The following GRID2 variants were observed in gnomAD, a reference collection of about 807,000 sequenced individuals.
The protein encoded by GRID2 is glutamate ionotropic receptor delta type subunit 2.
GRID2 carries 33 observed loss-of-function variants against 114.8 expected under a neutral mutation model. The ratio of observed to expected loss-of-function variants is 0.29; its 90% CI spans 0.22 to 0.38. The LOEUF (loss-of-function observed/expected upper bound fraction) is 0.38, where lower values mean the gene tolerates loss of function less well. Among genes scored for constraint, GRID2 ranks in the 10% least tolerant of loss-of-function variants. GRID2 has a pLI of 1.00. For missense variants in GRID2, 1,184 were observed against 1,257.7 expected (o/e 0.94, Z 0.89); for synonymous variants, 505 against 449.9 (o/e 1.12, Z -1.55).
chr4:93,338,925 T>G (rs1759357904), intron 8 of GRID2, among the ~76,000 whole-genome samples: 1 of 152,146 alleles, frequency 6.6e-6, no homozygotes, highest in Non-Finnish European at 1.5e-5. Context: ...GAAACAATTG[T>G]ATGTGACTTT....
chr4:92,695,082 T>G (rs1449543440), intron 2 of GRID2, among the ~76,000 whole-genome samples: 3 of 152,076 alleles, frequency 2.0e-5, no homozygotes, highest in Non-Finnish European at 4.4e-5. Context: ...TCCTCCCACC[T>G]TAGCCTTCCT....
At chr4:93,625,997 G>A (rs1742696000) in intron 13 of GRID2, among the ~76,000 whole-genome samples, 1 of 152,144 alleles carries the variant, frequency 6.6e-6, no homozygotes, top group South Asian at 2.1e-4. Context: ...GGTATCATAA[G>A]TAATCTAGAC....
chr4:92,833,215 C>G (rs1055549529), intron 2 of GRID2, among the ~76,000 whole-genome samples: 1 of 152,104 alleles, frequency 6.6e-6, no homozygotes, highest in Non-Finnish European at 1.5e-5. Flanking sequence ...TCCAGAGAAG[C>G]GGGGGAAGTC....
At chr4:92,845,193 C>T (rs990443789) in intron 2 of GRID2, among the ~76,000 whole-genome samples, 1 of 152,102 alleles carries the variant, frequency 6.6e-6, no homozygotes, top group Admixed American at 6.6e-5. Context: ...GGAATAGAGG[C>T]ACTTTGATTG....
intron 1 of GRID2, among the ~76,000 whole-genome samples, chr4:92,537,859 T>C (rs2149159423): frequency 6.7e-6 from 1 of 149,646 alleles, no homozygotes; most frequent in East Asian, 2.0e-4. Context: ...CCCAGAGAAT[T>C]AGTAGTAATA....
At chr4:93,722,092 G>A (rs1729428293) in intron 14 of GRID2, among the ~76,000 whole-genome samples, 1 of 151,518 alleles carries the variant, frequency 6.6e-6, no homozygotes, top group South Asian at 2.1e-4. Flanking sequence ...CTAATATTTT[G>A]TATTTTTAGT....
intron 1 of GRID2, among the ~76,000 whole-genome samples, chr4:93,787,385 A>G (rs1478000365): frequency 6.6e-6 from 1 of 152,160 alleles, no homozygotes; most frequent in African/African-American, 2.4e-5. Context: ...CATTGGGAGA[A>G]AATCAACAGA....
chr4:93,037,131 A>G (rs1369980188), intron 2 of GRID2, among the ~76,000 whole-genome samples: 1 of 152,182 alleles, frequency 6.6e-6, no homozygotes, highest in Non-Finnish European at 1.5e-5. Flanking sequence ...ACATTTTTGA[A>G]CATTTAGAAA....
At chr4:92,897,107 C>G (rs757325240) in intron 2 of GRID2, among the ~76,000 whole-genome samples, 1 of 152,076 alleles carries the variant, frequency 6.6e-6, no homozygotes, top group Non-Finnish European at 1.5e-5. Flanking sequence ...CTGCATGTCT[C>G]TGTTTTCTAA....
chr4:93,775,409 C>T (rs1578788709), downstream of GRID2, among the ~76,000 whole-genome samples: 1 of 152,310 alleles, frequency 6.6e-6, no homozygotes, highest in South Asian at 2.1e-4. Flanking sequence ...TCCACCTTCT[C>T]CTCTCACCAA....
At chr4:92,530,444 T>C (rs917424209) in intron 1 of GRID2, among the ~76,000 whole-genome samples, 2 of 141,294 alleles carry the variant, frequency 1.4e-5, no homozygotes, top group Non-Finnish European at 3.0e-5. Flanking sequence ...TACCAACTTA[T>C]GGAAAATAGT....
At chr4:92,931,095 A>G (rs937064137) in intron 2 of GRID2, among the ~76,000 whole-genome samples, 2 of 135,876 alleles carry the variant, frequency 1.5e-5, no homozygotes, top group Non-Finnish European at 3.3e-5. Flanking sequence ...CACTACAAAC[A>G]TAGTTAAAAT....
intron 13 of GRID2, among the ~76,000 whole-genome samples, chr4:93,555,934 T>G (rs1734276336): frequency 6.6e-6 from 1 of 152,206 alleles, no homozygotes; most frequent in Admixed American, 6.5e-5. Context: ...TTTGCTGTTC[T>G]GCAGCCTCCA....
intron 2 of GRID2, chr4:92,822,758 A>C (rs532840917): frequency 1.7e-3 from 275 of 159,718 alleles, no homozygotes; most frequent in Non-Finnish European, 2.9e-3. Flanking sequence ...CCTCCAGGGC[A>C]TGCTGTGGGA....
At chr4:93,379,494 T>C (rs998622314) in intron 8 of GRID2, among the ~76,000 whole-genome samples, 6 of 152,088 alleles carry the variant, frequency 3.9e-5, no homozygotes, top group Non-Finnish European at 5.9e-5. Flanking sequence ...GATCTTTTCC[T>C]ACCATTTAGC....
intron 1 of GRID2, among the ~76,000 whole-genome samples, chr4:92,566,975 A>G (rs1383213489): frequency 6.6e-6 from 1 of 151,990 alleles, no homozygotes; most frequent in African/African-American, 2.4e-5. Flanking sequence ...TTAACATTGT[A>G]CCTCTCATTT....
chr4:92,338,377 T>A (rs1727295779), intron 1 of GRID2, among the ~76,000 whole-genome samples: 1 of 152,168 alleles, frequency 6.6e-6, no homozygotes, highest in Non-Finnish European at 1.5e-5. Flanking sequence ...ACAGATACAT[T>A]GCATTCGTAT....
intron 2 of GRID2, among the ~76,000 whole-genome samples, chr4:92,658,640 C>A (rs1045229523): frequency 6.6e-6 from 1 of 151,516 alleles, no homozygotes; most frequent in African/African-American, 2.4e-5. Context: ...GGTCACTGGG[C>A]CATTGGAAAG....
intron 11 of GRID2, among the ~76,000 whole-genome samples, chr4:93,480,273 G>T (rs1467934200): frequency 6.6e-6 from 1 of 151,924 alleles, no homozygotes; most frequent in Non-Finnish European, 1.5e-5. Flanking sequence ...CATTAAAAAT[G>T]CCAAAAAAGG....
Sources: allele counts gnomAD v4.1 joint callset (sites outside exome capture counted in the v4.1 genomes callset), GRCh38; gene constraint gnomAD v4.1.1; transcripts MANE v1.5; gene names NCBI Gene and HGNC (gene_info 2026-07-23, HGNC 2026-07-21).